The following SLC12A1 variants were observed in gnomAD, a reference collection of about 807,000 sequenced individuals.
SLC12A1 encodes the protein solute carrier family 12 member 1.
Under a neutral mutation model 130.4 loss-of-function variants are expected in SLC12A1, and 89 were observed. That is an observed-to-expected ratio of 0.68 (90% CI 0.58 to 0.81). The LOEUF is 0.81. SLC12A1 is among the 40% of genes least tolerant of loss of function. The pLI is 0.00. For synonymous variants in SLC12A1, 499 were observed against 460.0 expected (o/e 1.08, Z -1.09); for missense variants, 1,310 against 1,336.4 (o/e 0.98, Z 0.31).
chr15:48,209,931 T>A (rs1248793769), intron 2 of SLC12A1, among the ~76,000 whole-genome samples: 1 of 152,218 alleles, frequency 6.6e-6, no homozygotes, highest in Admixed American at 6.5e-5. Context: ...GACCTAAGAT[T>A]TAGATTTTAT....
chr15:48,232,650 A>G, intron 7 of SLC12A1, 77 bp from the exon 8 acceptor site: 1 of 896,980 alleles, frequency 1.1e-6, no homozygotes, highest in South Asian at 1.3e-5. Flanking sequence ...TCTGCAGTGG[A>G]CACTTCTAAC....
At chr15:48,216,658 G>A (rs2041125206) in intron 2 of SLC12A1, among the ~76,000 whole-genome samples, 1 of 152,100 alleles carries the variant, frequency 6.6e-6, no homozygotes, top group African/African-American at 2.4e-5. Flanking sequence ...CTAGAATATT[G>A]ACAATTTTTT....
At chr15:48,274,698 T>C in intron 20 of SLC12A1, 45 bp downstream of exon 20, 2 of 1,339,900 alleles carry the variant, frequency 1.5e-6, no homozygotes, top group Non-Finnish European at 2.1e-6. Flanking sequence ...ATTGAGCACC[T>C]ACTTTGTGCC....
At chr15:48,299,057 G>T in intron 24 of SLC12A1, 83 bp from the exon 25 acceptor site, 1 of 1,192,444 alleles carries the variant, frequency 8.4e-7, no homozygotes, top group Non-Finnish European at 1.2e-6. Context: ...TCCACAGCCA[G>T]CAGAGCCAGT....
At chr15:48,227,278 G>C in intron 5 of SLC12A1, 2 of 907,736 alleles carry the variant, frequency 2.2e-6, no homozygotes, top group Non-Finnish European at 3.5e-6. Context: ...TTAGTCCCCA[G>C]TGTCCTAAAC....
At position 48,249,861 on chromosome 15, in the gene SLC12A1, G is replaced by C. The variant is rs1317915725; in HGVS notation, c.1786+185G>C. ...TTTTGAAATAGAAAAAGAATCATTT[G>C]AGCAATGGCCTTTTTGACCAACCAG... On this transcript the variant is annotated intron_variant, in intron 14 of 26. Transcript: ENST00000380993. Among the ~76,000 whole-genome samples the C allele has an allele frequency of 3.3e-5, 5 of 152,170 alleles. No homozygotes were observed. In the East Asian group the frequency reaches 9.6e-4, roughly 29 times the overall value.
intron 20 of SLC12A1, among the ~76,000 whole-genome samples, chr15:48,275,514 A>G (rs1470487340): frequency 2.6e-5 from 4 of 152,324 alleles, no homozygotes; most frequent in Admixed American, 6.5e-5. Flanking sequence ...AGGGGCACCT[A>G]ACTCACTCCA....
Position 48,248,939 on chromosome 15 carries a change from G to C in SLC12A1, c.1685-636G>C, listed in dbSNP as rs546442445. Among the ~76,000 whole-genome samples, 479 of 152,274 alleles carry C rather than the reference G, an allele frequency of 3.1e-3. 9 individuals carry two copies. Among genetic ancestry groups the C allele is most frequent in the Middle Eastern group, 3.4e-3 (1 of 292 alleles). On this transcript the variant is annotated intron_variant, in intron 13 of 26. Transcript: ENST00000380993. ...GGTGCCTATAGTCCCAGCTACTAGGGAGGCTGAGGCAGGAGAATCGCTTGA... is the reference window on the plus strand; with the variant it reads ...GGTGCCTATAGTCCCAGCTACTAGGCAGGCTGAGGCAGGAGAATCGCTTGA...
intron 2 of SLC12A1, among the ~76,000 whole-genome samples, chr15:48,212,995 T>C (rs2041073204): frequency 6.6e-6 from 1 of 152,212 alleles, no homozygotes; most frequent in Admixed American, 6.5e-5. Context: ...ACTCAATCCT[T>C]AACAACAACC....
At chr15:48,247,499 ATTC>A (rs1384965532) in intron 13 of SLC12A1, 39 bp downstream of exon 13, 2 of 1,467,954 alleles carry the variant, frequency 1.4e-6, no homozygotes, top group Admixed American at 2.0e-5. Flanking sequence ...AAACCAAAGA[ATTC>A]TTCTGATTAT....
At chr15:48,249,115 T>C (rs879554565) in intron 13 of SLC12A1, among the ~76,000 whole-genome samples, 8 of 152,160 alleles carry the variant, frequency 5.3e-5, no homozygotes, top group Non-Finnish European at 4.4e-5. Context: ...AAGGTATGAA[T>C]GACAAAGAGT....
intron 10 of SLC12A1, among the ~76,000 whole-genome samples, chr15:48,243,069 T>C (rs1241869456): frequency 6.6e-6 from 1 of 152,102 alleles, no homozygotes; most frequent in Non-Finnish European, 1.5e-5. Flanking sequence ...TTTCCTAGTA[T>C]AGGAGAAGGA....
intron 24 of SLC12A1, among the ~76,000 whole-genome samples, chr15:48,295,596 T>A (rs2042169561): frequency 6.6e-6 from 1 of 152,200 alleles, no homozygotes; most frequent in African/African-American, 2.4e-5. Flanking sequence ...GTCCTCATTA[T>A]CCTGGAATAA....
chr15:48,255,649 G>C (rs2041698848), intron 15 of SLC12A1, among the ~76,000 whole-genome samples, 162 bp from the exon 16 acceptor site: 1 of 152,214 alleles, frequency 6.6e-6, no homozygotes. Context: ...AGGATACAAA[G>C]TGCTTTTTAG....
At chr15:48,226,657 G>A (rs1597406061) in intron 5 of SLC12A1, 86 bp downstream of exon 5, 2 of 801,334 alleles carry the variant, frequency 2.5e-6, no homozygotes, top group East Asian at 2.5e-5. Flanking sequence ...TGGGAACAAG[G>A]AAGTAGCCCG....
chr15:48,210,546 G>A (rs2049929430), intron 2 of SLC12A1, among the ~76,000 whole-genome samples: 1 of 152,042 alleles, frequency 6.6e-6, no homozygotes, highest in Non-Finnish European at 1.5e-5. Context: ...AGCTCTGAAG[G>A]AACAGGTGTT....
At chr15:48,209,304 T>C (rs1437446307) in intron 2 of SLC12A1, among the ~76,000 whole-genome samples, 1 of 152,126 alleles carries the variant, frequency 6.6e-6, no homozygotes, top group Non-Finnish European at 1.5e-5. Context: ...CAACCTCAGG[T>C]GATCTGCCCA....
chr15:48,301,423 T>G, intron 26 of SLC12A1, 41 bp downstream of exon 26: 1 of 1,394,788 alleles, frequency 7.2e-7, no homozygotes, highest in South Asian at 1.3e-5. Context: ...TAGAAATAAA[T>G]CTTAGGGTTA....
chr15:48,221,011 C>A lies in SLC12A1; in HGVS notation c.628+15C>A. On this transcript the variant is annotated intron_variant, in intron 4 of 26. Coordinates refer to ENST00000380993, the MANE Select transcript of SLC12A1 (RefSeq NM_000338.3). ...AGCTGGAATTGGTAAGCATTTTTCCCCTCCTAAATAATTTTGCATGTAAAT... is the reference window on the plus strand; with the variant it reads ...AGCTGGAATTGGTAAGCATTTTTCCACTCCTAAATAATTTTGCATGTAAAT... 1 of 1,611,308 alleles carries A rather than the reference C, an allele frequency of 6.2e-7. No individual in the cohort carries two copies. The highest frequency in any genetic ancestry group is 8.5e-7 in the Non-Finnish European group (1 of 1,177,554).
Sources: allele counts gnomAD v4.1 joint callset (sites outside exome capture counted in the v4.1 genomes callset), GRCh38; gene constraint gnomAD v4.1.1; transcripts MANE v1.5; gene names NCBI Gene and HGNC (gene_info 2026-07-23, HGNC 2026-07-21).